The following RBFOX1 variants were observed in gnomAD, a reference collection of about 807,000 sequenced individuals.
RBFOX1 encodes RNA binding protein fox-1 homolog 1.
In RBFOX1, 8 loss-of-function variants were observed where a neutral mutation model predicts 57.7. The ratio of observed to expected loss-of-function variants is 0.14; its 90% CI spans 0.08 to 0.25. The LOEUF (loss-of-function observed/expected upper bound fraction) is 0.25. Ranked by LOEUF, RBFOX1 falls within the 10% of genes least tolerant of loss-of-function variation. The pLI is 1.00. For missense variants in RBFOX1, 611 were observed against 548.5 expected, an observed-to-expected ratio of 1.11 and a Z score of -1.14; for synonymous variants, 326 against 222.4, an observed-to-expected ratio of 1.47 and a Z score of -4.15.
chr16:5,745,300 C>G (rs149770425), intron 3 of RBFOX1, among the ~76,000 whole-genome samples: 3 of 152,080 alleles, frequency 2.0e-5, no homozygotes, highest in Non-Finnish European at 2.9e-5. Flanking sequence ...GCATAGTATC[C>G]CATGGTGTAT....
intron 3 of RBFOX1, among the ~76,000 whole-genome samples, chr16:6,660,027 C>T (rs903630123): frequency 6.6e-6 from 1 of 151,916 alleles, no homozygotes; most frequent in Non-Finnish European, 1.5e-5. Flanking sequence ...GAGTTCGAGA[C>T]CACCATGGCC....
intron 1 of RBFOX1, among the ~76,000 whole-genome samples, chr16:5,349,742 A>G (rs1459510968): frequency 6.6e-6 from 1 of 151,944 alleles, no homozygotes; most frequent in African/African-American, 2.4e-5. Flanking sequence ...TTGCCCCTGA[A>G]TGATTTGGAA....
chr16:5,538,862 A>G (rs1488804621), intron 2 of RBFOX1, among the ~76,000 whole-genome samples: 1 of 152,056 alleles, frequency 6.6e-6, no homozygotes, highest in Non-Finnish European at 1.5e-5. Flanking sequence ...TCCTGACATC[A>G]TGATCTGCCC....
intron 3 of RBFOX1, among the ~76,000 whole-genome samples, chr16:5,843,333 C>T (rs1372197540): frequency 6.6e-6 from 1 of 152,218 alleles, no homozygotes; most frequent in Non-Finnish European, 1.5e-5. Context: ...CTGTTCCCTT[C>T]TGTGTATCCA....
intron 1 of RBFOX1, among the ~76,000 whole-genome samples, chr16:5,302,386 G>C (rs1176868026): frequency 1.3e-5 from 2 of 152,120 alleles, no homozygotes; most frequent in Non-Finnish European, 2.9e-5. Context: ...TGGTCCACAG[G>C]CACTTGAAAA....
At chr16:7,635,925 C>G (rs113579486) in intron 11 of RBFOX1, among the ~76,000 whole-genome samples, 19 of 152,312 alleles carry the variant, frequency 1.2e-4, no homozygotes, top group African/African-American at 4.6e-4. Flanking sequence ...ATTCTCCTGT[C>G]TCAGCCTCCC....
intron 4 of RBFOX1, among the ~76,000 whole-genome samples, chr16:7,311,328 A>G (rs779289187): frequency 3.3e-5 from 5 of 152,054 alleles, no homozygotes; most frequent in Non-Finnish European, 5.9e-5. Flanking sequence ...TCAGAAGGTT[A>G]GTGTGTGTTC....
rs150599083 is a variant in RBFOX1 at position 6,609,944 on chromosome 16, G to A, written c.-63-44659G>A. 1.4e-3 allele frequency among the ~76,000 whole-genome samples: 215 copies of A among 152,178 alleles called. 5 individuals are homozygous for A. In the East Asian group the frequency reaches 0.036, roughly 25 times the overall value. ...ACTTGCTTGAACCCAGGAGGTGGAGGTTGCCGTGAGCCGAGATCACGCCAT... is the reference window on the plus strand; with the variant it reads ...ACTTGCTTGAACCCAGGAGGTGGAGATTGCCGTGAGCCGAGATCACGCCAT... On this transcript the variant is annotated intron_variant, in intron 2 of 15. Coordinates refer to ENST00000550418, the MANE Select transcript of RBFOX1 (RefSeq NM_018723.4).
At chr16:6,999,608 A>G (rs928353757) in intron 3 of RBFOX1, among the ~76,000 whole-genome samples, 2 of 152,042 alleles carry the variant, frequency 1.3e-5, no homozygotes, top group African/African-American at 2.4e-5. Context: ...ACAACTACCA[A>G]TATGTGGCCA....
chr16:7,092,526 GAACT>G (rs2061030658), intron 4 of RBFOX1, among the ~76,000 whole-genome samples: 1 of 152,176 alleles, frequency 6.6e-6, no homozygotes, highest in Middle Eastern at 3.2e-3. Flanking sequence ...GGCGATTCCA[GAACT>G]TATTTAACCA....
intron 4 of RBFOX1, among the ~76,000 whole-genome samples, chr16:6,006,903 T>C (rs2094930716): frequency 6.6e-6 from 1 of 152,198 alleles, no homozygotes; most frequent in Non-Finnish European, 1.5e-5. Flanking sequence ...GTCACATGGG[T>C]CCGCCTTCTC....
intron 4 of RBFOX1, among the ~76,000 whole-genome samples, chr16:7,085,662 T>G (rs1185428542): frequency 6.6e-6 from 1 of 152,212 alleles, no homozygotes; most frequent in East Asian, 1.9e-4. Context: ...AGGGCACATT[T>G]TGTCCCTGTG....
intron 4 of RBFOX1, among the ~76,000 whole-genome samples, chr16:7,127,706 C>G (rs1221009107): frequency 1.3e-5 from 2 of 152,104 alleles, no homozygotes; most frequent in African/African-American, 2.4e-5. Flanking sequence ...TTTCAGAGGA[C>G]TTTGGGTTGT....
chr16:5,375,481 G>A (rs532020721), intron 1 of RBFOX1, among the ~76,000 whole-genome samples: 106 of 152,298 alleles, frequency 7.0e-4, no homozygotes, highest in Non-Finnish European at 1.3e-3. Flanking sequence ...GTGATAAGTC[G>A]GGTGTTCTGT....
At chr16:5,528,806 T>G (rs1471955786) in intron 2 of RBFOX1, among the ~76,000 whole-genome samples, 1 of 151,924 alleles carries the variant, frequency 6.6e-6, no homozygotes, top group Non-Finnish European at 1.5e-5. Context: ...TGCACCACCA[T>G]GCTTGGCTAA....
intron 4 of RBFOX1, among the ~76,000 whole-genome samples, chr16:7,242,580 G>A (rs971809728): frequency 6.6e-6 from 1 of 152,150 alleles, no homozygotes; most frequent in African/African-American, 2.4e-5. Context: ...AGGTCTCTTC[G>A]CCATTGGCTG....
At chr16:6,876,342 C>A (rs566659084) in intron 3 of RBFOX1, among the ~76,000 whole-genome samples, 5 of 152,094 alleles carry the variant, frequency 3.3e-5, no homozygotes, top group African/African-American at 1.2e-4. Context: ...GTTGACTATT[C>A]CACCATCAAA....
rs534327569 is a variant in RBFOX1, at chr16:7,498,103, C to G, written c.28-20044C>G. 5.0e-4 allele frequency among the ~76,000 whole-genome samples: 76 copies of G among 152,286 alleles called. 3 individuals are homozygous for G. The South Asian group carries it at 0.015, about 30-fold the overall frequency. Reference sequence around the variant, plus strand: ...GTTCCGAAGCAGCCTTCTGTGAAGGCTGTCTTGGGGTTGATGCTGTAATTG... The same window carrying G: ...GTTCCGAAGCAGCCTTCTGTGAAGGGTGTCTTGGGGTTGATGCTGTAATTG... On this transcript the variant is annotated intron_variant, in intron 4 of 15. Transcript: ENST00000550418.
chr16:7,286,660 G>C (rs1340264635), intron 4 of RBFOX1, among the ~76,000 whole-genome samples: 5 of 120,624 alleles, frequency 4.1e-5, no homozygotes, highest in African/African-American at 6.5e-5. Context: ...GTCTTACTCT[G>C]TCACCCAGGA....
Sources: gnomAD v4.1 joint callset for allele counts (sites outside exome capture counted in the v4.1 genomes callset) on GRCh38, gnomAD v4.1.1 for gene constraint, MANE v1.5 for transcripts, NCBI Gene and HGNC (gene_info 2026-07-23, HGNC 2026-07-21) for gene names.